Variants in CUBN observed in about 807,000 individuals in gnomAD.
CUBN encodes 460 kDa receptor.
Under a neutral mutation model 405.3 loss-of-function variants are expected in CUBN, and 282 were observed. The observed-to-expected ratio is 0.70, with a 90% CI of 0.63 to 0.77. The LOEUF is 0.77. Ranked by LOEUF, CUBN falls within the 30% of genes least tolerant of loss-of-function variation. The pLI is 0.00. For missense variants in CUBN, 4,514 were observed against 4,475.2 expected, an observed-to-expected ratio of 1.01 and a Z score of -0.25; for synonymous variants, 1,684 against 1,617.0, an observed-to-expected ratio of 1.04 and a Z score of -0.99.
At chr10:16,838,722 G>A (rs553039870) in intron 62 of CUBN, among the ~76,000 whole-genome samples, 1 of 152,308 alleles carries the variant, frequency 6.6e-6, no homozygotes, top group East Asian at 1.9e-4. Context: ...TTGGCTCACT[G>A]CAACCTCTGC....
At chr10:16,948,372 T>G in intron 35 of CUBN, 106 bp downstream of exon 35, 1 of 1,495,218 alleles carries the variant, frequency 6.7e-7, no homozygotes, top group Non-Finnish European at 9.2e-7. Context: ...AGAGGTGATC[T>G]CAGGAAACTG....
chr10:17,027,653 T>C (rs1834701792), intron 27 of CUBN, among the ~76,000 whole-genome samples: 2 of 152,186 alleles, frequency 1.3e-5, no homozygotes, highest in Admixed American at 1.3e-4. Flanking sequence ...TTCTCCAATC[T>C]CAGAATTTCA....
chr10:16,843,917 T>A (rs1057325161), intron 60 of CUBN, among the ~76,000 whole-genome samples: 3 of 151,950 alleles, frequency 2.0e-5, no homozygotes, highest in African/African-American at 7.3e-5. Flanking sequence ...TGGGAGTGTA[T>A]CATGAGAACC....
rs114693725 is a variant in CUBN at position 16,887,130 on chromosome 10, G to A, written c.8905+1287C>T. 3.9e-3 allele frequency among the ~76,000 whole-genome samples: 588 copies of A among 152,220 alleles called. 5 individuals carry two copies. The highest frequency in any genetic ancestry group is 0.014 in the African/African-American group (567 of 41,538). On this transcript the variant is annotated intron_variant, in intron 56 of 66. Coordinates refer to ENST00000377833, the MANE Select transcript of CUBN (RefSeq NM_001081.4). ...TTTACTTACTTATTCAATATTTGTC[G>A]AACACCTATGTTGACTCAATAAGAC... is the stretch of plus-strand genomic sequence containing the variant.
chr10:16,947,443 G>T, intron 35 of CUBN, 76 bp from the exon 36 acceptor site: 2 of 1,414,496 alleles, frequency 1.4e-6, no homozygotes, highest in Non-Finnish European at 2.0e-6. Context: ...GAGAAAGAAC[G>T]CTAGAGCCAT....
rs1564510318 is a variant in CUBN, at chr10:17,087,460, A to ATTTTTTTTT, written c.1947+703_1947+704insAAAAAAAAA. ...AACCCAGTTCAACACAATCACTATTATTTTTCTTTTTCTTTTTTTTTTTTT... is the reference window on the plus strand; with the variant it reads ...AACCCAGTTCAACACAATCACTATTATTTTTTTTTTTTTTCTTTTTCTTTTTTTTTTTTT... On this transcript the variant is annotated intron_variant, in intron 15 of 66. Transcript: ENST00000377833. Among the ~76,000 whole-genome samples the ATTTTTTTTT allele has an allele frequency of 4.6e-4, 46 of 99,088 alleles. 1 individual carries two copies. Among genetic ancestry groups the ATTTTTTTTT allele is most frequent in the Admixed American group, 8.6e-4 (7 of 8,128 alleles). 65.0% of individuals were successfully genotyped at this position (99,088 alleles called of 152,430 possible). A position where few individuals can be genotyped will look rare whatever the true frequency, so the allele number is the denominator to read the frequency against.
chr10:16,856,824 G>A (rs557284440), intron 59 of CUBN, among the ~76,000 whole-genome samples: 165 of 152,288 alleles, frequency 1.1e-3, no homozygotes, highest in African/African-American at 3.9e-3. Flanking sequence ...GCTTTAGGCT[G>A]CAGCTGAAGG....
In CUBN at chr10:17,103,208, C is replaced by G; in HGVS notation, c.1447G>C (p.Gly483Arg). 6.2e-7 allele frequency: 1 copy of G among 1,613,346 alleles called. No individual in the cohort carries two copies. The highest frequency in any genetic ancestry group is 8.5e-7 in the Non-Finnish European group (1 of 1,179,378). ...VCGESLSGIN[G>R]SFSYRSPDVG... Reference sequence around the variant, plus strand: ...TCCGGGCTCCTGTAGCTGAAGCTTCCATTTATTCCTGAGAGGGACTCTCCA... The same window carrying G: ...TCCGGGCTCCTGTAGCTGAAGCTTCGATTTATTCCTGAGAGGGACTCTCCA... The change falls in exon 13 of 67, where the codon GGA becomes CGA. Residue 483 changes from glycine to arginine, a missense_variant. Gly to Arg is a moderately radical substitution (Grantham distance 125, BLOSUM62 -2). Transcript: ENST00000377833.
At chr10:16,939,542 T>C (rs896915431) in intron 37 of CUBN, among the ~76,000 whole-genome samples, 1 of 152,190 alleles carries the variant, frequency 6.6e-6, no homozygotes, top group Admixed American at 6.5e-5. Context: ...ACATATGAAA[T>C]AGCCAATAAT....
chr10:16,911,909 T>G (rs1453604217), intron 48 of CUBN, among the ~76,000 whole-genome samples: 1 of 152,178 alleles, frequency 6.6e-6, no homozygotes, highest in Non-Finnish European at 1.5e-5. Context: ...TTATATCACA[T>G]GATTACAAGT....
In CUBN at chr10:16,835,127, TGTC is replaced by T; in HGVS notation, c.10246_10248del (p.Asp3416del). On this transcript the variant is annotated inframe_deletion, in exon 64 of 67. Transcript: ENST00000377833. ...AGAGTAACGGTGCAATCCTTGTCATTGTCGTAGTTATCTGGCCATCCAGGGCTT... is the reference window on the plus strand; with the variant it reads ...AGAGTAACGGTGCAATCCTTGTCATTGTAGTTATCTGGCCATCCAGGGCTT... 2 of 1,614,160 alleles carry T rather than the reference TGTC, an allele frequency of 1.2e-6. No homozygotes were observed. The highest frequency in any genetic ancestry group is 1.7e-6 in the Non-Finnish European group (2 of 1,180,014).
chr10:16,951,689 G>T (rs1245610330), intron 33 of CUBN, among the ~76,000 whole-genome samples: 2 of 152,090 alleles, frequency 1.3e-5, no homozygotes. Flanking sequence ...AGATTCTAGG[G>T]TTCCAAAAAA....
At chr10:17,088,110 T>G in intron 15 of CUBN, 54 bp downstream of exon 15, 2 of 1,429,246 alleles carry the variant, frequency 1.4e-6, no homozygotes, top group Non-Finnish European at 2.0e-6. Context: ...TAGACCATAG[T>G]GCCCTGAGTC....
At chr10:17,030,414 T>C (rs1230999476) in intron 27 of CUBN, among the ~76,000 whole-genome samples, 2 of 152,182 alleles carry the variant, frequency 1.3e-5, no homozygotes, top group East Asian at 1.9e-4. Context: ...AAAATAACCA[T>C]AGATAATATG....
At chr10:16,838,956 T>TA (rs1839259942) in intron 62 of CUBN, among the ~76,000 whole-genome samples, 1 of 152,190 alleles carries the variant, frequency 6.6e-6, no homozygotes, top group South Asian at 2.1e-4. Flanking sequence ...CTTTTCTTTT[T>TA]ATCTCTCTTA....
chr10:16,890,386 C>G lies in CUBN; in HGVS notation c.8740G>C (p.Ala2914Pro). ...SQEAPAQGFS[A>P]SFVSRCGSNF... The stretch of plus-strand genomic sequence containing the variant: ...GGCTACTTACGGCTAACAAAGGACG[C>G]GGAGAAGCCCTGAGCTGGTGCCTCC... The change falls in exon 55 of 67, where the codon GCG becomes CCG. Residue 2914 changes from alanine (A) to proline (P), a missense_variant. By Grantham distance (27) the Ala-to-Pro change is conservative. Transcript: ENST00000377833. 18 of 1,613,354 alleles carry G rather than the reference C, an allele frequency of 1.1e-5. No individual in the cohort carries two copies. Among genetic ancestry groups the G allele is most frequent in the Non-Finnish European group, 1.5e-5 (18 of 1,180,034 alleles).
chr10:16,892,083 A>T (rs375197788), intron 54 of CUBN, among the ~76,000 whole-genome samples: 2 of 152,316 alleles, frequency 1.3e-5, no homozygotes, highest in African/African-American at 2.4e-5. Flanking sequence ...CATTAAAAAC[A>T]TTTCTATTGG....
chr10:17,064,614 G>A (rs1455001791), intron 22 of CUBN, among the ~76,000 whole-genome samples: 1 of 152,096 alleles, frequency 6.6e-6, no homozygotes, highest in Admixed American at 6.6e-5. Flanking sequence ...ATACAATGAT[G>A]CAAAAGGAAA....
intron 56 of CUBN, among the ~76,000 whole-genome samples, chr10:16,883,107 AG>A (rs1402243502): frequency 6.6e-6 from 1 of 152,106 alleles, no homozygotes; most frequent in Admixed American, 6.6e-5. Flanking sequence ...GAAGGAAGGA[AG>A]AAAGAAATGG....
Sources: allele counts gnomAD v4.1 joint callset (sites outside exome capture counted in the v4.1 genomes callset), GRCh38; gene constraint gnomAD v4.1.1; transcripts MANE v1.5; gene names NCBI Gene and HGNC (gene_info 2026-07-23, HGNC 2026-07-21).